The following MRPS18C variants were observed in gnomAD, a reference collection of about 807,000 sequenced individuals.
The protein encoded by MRPS18C is mitochondrial ribosomal protein S18C, also known as small ribosomal subunit protein bS18m.
MRPS18C carries 21 observed loss-of-function variants against 21.0 expected under a neutral mutation model. That is an observed-to-expected ratio of 1.00 (90% CI 0.71 to 1.44). The LOEUF (loss-of-function observed/expected upper bound fraction) is 1.44. Among genes scored for constraint, MRPS18C ranks in the 40% most tolerant of loss-of-function variants. The probability of loss-of-function intolerance (pLI) is 0.00; values close to 1 mark genes in which losing one functional copy is unlikely to be tolerated. For synonymous variants in MRPS18C, 65 were observed against 54.3 expected (o/e 1.20, Z -0.87); for missense variants, 152 against 171.5 (o/e 0.89, Z 0.64).
chr4:83,456,271 G>T, intron 1 of MRPS18C, 94 bp downstream of exon 1: 2 of 1,089,486 alleles, frequency 1.8e-6, no homozygotes. Context: ...AAACGACTCT[G>T]GTTTCTAGGC....
chr4:83,460,777 A>G (rs1722066026), intron 4 of MRPS18C, 196 bp from the exon 5 acceptor site: 2 of 541,798 alleles, frequency 3.7e-6, no homozygotes, highest in Middle Eastern at 5.2e-4. Context: ...GTGGCGGTGC[A>G]TGCCTGTAAT....
chr4:83,458,377 CT>C lies in MRPS18C; in HGVS notation c.183del (p.Lys63ArgfsTer10). On this transcript the variant is annotated frameshift_variant, in exon 3 of 6. Transcript: ENST00000295491. LOFTEE classifies it high-confidence loss of function. Reference protein sequence around the residue: ...PISMENPYKEPLKKCILCGKH... With the variant: ...PISMENPYKEXLKKCILCGKH... ...TCAATGGAAAATCCTTATAAAGAAC[CT>C]CTTAAGAAATGTATCTTGTGTGGAA... The C allele has an allele frequency of 6.2e-7, 1 of 1,605,260 alleles. No homozygotes were observed. Among genetic ancestry groups the C allele is most frequent in the Non-Finnish European group, 8.5e-7 (1 of 1,173,454 alleles).
chr4:83,458,016 CAT>C (rs1560567057), intron 2 of MRPS18C: 9 of 254,816 alleles, frequency 3.5e-5, no homozygotes, highest in Non-Finnish European at 6.0e-5. Flanking sequence ...TTAAGAATGG[CAT>C]ATGTTATCTA....
intron 3 of MRPS18C, chr4:83,458,738 G>A (rs1721961376): frequency 4.2e-6 from 1 of 240,046 alleles, no homozygotes; most frequent in East Asian, 1.3e-4. Context: ...CTCATCTGGT[G>A]AAGCTGATCT....
chr4:83,457,926 G>A (rs548711563), intron 2 of MRPS18C: 152 of 183,010 alleles, frequency 8.3e-4, no homozygotes, highest in African/African-American at 3.4e-3. Context: ...AGTAAGTCAT[G>A]GGCCATTATC....
At chr4:83,456,822 A>AT (rs1446468086) in intron 1 of MRPS18C, 87 bp from the exon 2 acceptor site, 1 of 1,322,626 alleles carries the variant, frequency 7.6e-7, no homozygotes, top group Non-Finnish European at 1.1e-6. Context: ...GTGTCCCTTA[A>AT]TTCATCCTGT....
intron 2 of MRPS18C, 192 bp from the exon 3 acceptor site, chr4:83,458,154 T>C: frequency 2.1e-6 from 1 of 480,322 alleles, no homozygotes; most frequent in Non-Finnish European, 3.6e-6. Context: ...ATGAAGATTG[T>C]ACTTTATTCC....
At chr4:83,459,912 G>A (rs1377295256) in intron 4 of MRPS18C, 115 bp downstream of exon 4, 2 of 814,490 alleles carry the variant, frequency 2.5e-6, no homozygotes, top group Non-Finnish European at 3.9e-6. Flanking sequence ...TACTAGATCA[G>A]ATACTACAGG....
intron 2 of MRPS18C, 153 bp downstream of exon 2, chr4:83,457,111 C>G: frequency 1.7e-6 from 1 of 602,830 alleles, no homozygotes; most frequent in South Asian, 2.5e-5. Flanking sequence ...GATAATTACT[C>G]TGAGTTCAGA....
intron 2 of MRPS18C, chr4:83,457,485 G>A (rs1449504414): frequency 6.6e-6 from 1 of 152,354 alleles, no homozygotes; most frequent in Non-Finnish European, 1.5e-5. Flanking sequence ...GAGCTGAAGA[G>A]TAGTTACGTG....
chr4:83,460,491 A>C (rs879641929), intron 4 of MRPS18C: 2 of 160,608 alleles, frequency 1.2e-5, no homozygotes, highest in Non-Finnish European at 2.7e-5. Flanking sequence ...GTAGTGCCAT[A>C]TGGTTGTTTT....
At chr4:83,458,900 C>CT (rs1225356927) in intron 3 of MRPS18C, 3 of 153,764 alleles carry the variant, frequency 2.0e-5, no homozygotes, top group African/African-American at 7.2e-5. Context: ...AATCCCAGCA[C>CT]TTTGGGAGGC....
At chr4:83,460,471 T>G (rs1393926053) in intron 4 of MRPS18C, 1 of 153,938 alleles carries the variant, frequency 6.5e-6, no homozygotes, top group East Asian at 1.9e-4. Context: ...GTTTTTGTAG[T>G]TTTGTTTACG....
intron 4 of MRPS18C, chr4:83,460,553 A>C (rs988040785): frequency 4.9e-6 from 1 of 203,922 alleles, no homozygotes; most frequent in African/African-American, 2.4e-5. Flanking sequence ...TATGGCCCAC[A>C]AAACCTAGAT....
Position 83,456,977 on chromosome 4 carries a change from A to G in MRPS18C, c.150+19A>G, listed in dbSNP as rs768802564. 23 of 1,608,190 alleles carry G rather than the reference A, an allele frequency of 1.4e-5. No homozygotes were observed. The highest frequency in any genetic ancestry group is 6.6e-5 in the South Asian group (6 of 90,380). On this transcript the variant is annotated intron_variant, in intron 2 of 5. Transcript: ENST00000295491. The stretch of plus-strand genomic sequence containing the variant: ...GGACCTGGTAAGAATTTTTTTTTCT[A>G]TTAGTAAGGCCTTTGCAAATATGAC...
intron 2 of MRPS18C, chr4:83,457,316 T>C (rs1047117053): frequency 2.1e-5 from 4 of 189,232 alleles, no homozygotes; most frequent in Admixed American, 1.8e-4. Context: ...TTTTAAAAGG[T>C]AGTTTGGGTG....
chr4:83,460,259 G>A (rs946242147), intron 4 of MRPS18C: 1 of 152,160 alleles, frequency 6.6e-6, no homozygotes, highest in Admixed American at 6.6e-5. Context: ...CTGGGTTCAA[G>A]TGATTCTCAT....
At position 83,456,284 on chromosome 4, in the gene MRPS18C, TTAAG is replaced by T. The variant is rs749933050; in HGVS notation, c.100+109_100+112del. On this transcript the variant is annotated intron_variant, in intron 1 of 5. Coordinates refer to ENST00000295491, the MANE Select transcript of MRPS18C (RefSeq NM_016067.4). Reference sequence around the variant, plus strand: ...CAAAACGACTCTGGTTTCTAGGCGATTAAGTTTCTCCAAGATGGGTGGGAATCTG... The same window carrying T: ...CAAAACGACTCTGGTTTCTAGGCGATTTTCTCCAAGATGGGTGGGAATCTG... The T allele has an allele frequency of 2.3e-5, 23 of 995,994 alleles. 1 individual carries two copies. The highest frequency in any genetic ancestry group is 8.4e-5 in the South Asian group (6 of 71,676). The allele number at this position is 995,994 out of a possible 1,614,324, so 61.7% of individuals were successfully genotyped here.
Position 83,456,090 on chromosome 4 carries a change from G to T in MRPS18C, c.13G>T (p.Val5Phe). 3 of 1,612,664 alleles carry T rather than the reference G, an allele frequency of 1.9e-6. No homozygotes were observed. In the African/African-American group the frequency reaches 4.0e-5, roughly 22 times the overall value. MAAV[V>F]AVCGGLGRKK... ...GAAACGCGGAACCATGGCCGCTGTG[G>T]TTGCTGTTTGCGGTGGTCTAGGGAG... Residue 5 changes from valine (V) to phenylalanine (F), a missense_variant, in exon 1 of 6, where the codon GTT (valine) becomes TTT (phenylalanine). Transcript: ENST00000295491.
Sources: gnomAD v4.1 joint callset for allele counts on GRCh38, gnomAD v4.1.1 for gene constraint, MANE v1.5 for transcripts, NCBI Gene and HGNC (gene_info 2026-07-23, HGNC 2026-07-21) for gene names.